The following ZNF644 variants were observed in gnomAD, a reference collection of about 807,000 sequenced individuals.
ZNF644 encodes the protein zinc finger protein 644, also known as zinc finger motif enhancer binding protein 2.
ZNF644 carries 20 observed loss-of-function variants against 108.0 expected under a neutral mutation model. That is an observed-to-expected ratio of 0.19 (90% CI 0.13 to 0.27). The LOEUF (loss-of-function observed/expected upper bound fraction) is 0.27. Among genes scored for constraint, ZNF644 ranks in the 10% least tolerant of loss-of-function variants. ZNF644 has a pLI of 1.00. For missense variants in ZNF644, 1,338 were observed against 1,548.9 expected, an observed-to-expected ratio of 0.86 and a Z score of 2.29; for synonymous variants, 542 against 539.1, an observed-to-expected ratio of 1.01 and a Z score of -0.08.
At chr1:90,982,850 A>G (rs977015746) in intron 1 of ZNF644, among the ~76,000 whole-genome samples, 1 of 151,974 alleles carries the variant, frequency 6.6e-6, no homozygotes, top group Non-Finnish European at 1.5e-5. Context: ...TAGAGCAACC[A>G]CAGTAATTAT....
chr1:90,976,559 C>A (rs1021923226), intron 2 of ZNF644, among the ~76,000 whole-genome samples: 1 of 152,106 alleles, frequency 6.6e-6, no homozygotes, highest in African/African-American at 2.4e-5. Context: ...TGATATTTGC[C>A]GCTTAGCCTT....
At chr1:90,965,490 T>C (rs184353105) in intron 2 of ZNF644, among the ~76,000 whole-genome samples, 2 of 152,296 alleles carry the variant, frequency 1.3e-5, no homozygotes, top group Non-Finnish European at 2.9e-5. Flanking sequence ...TAGTCTGAAG[T>C]AGAGGCGGAC....
At chr1:91,000,015 C>T (rs895419459) in intron 1 of ZNF644, among the ~76,000 whole-genome samples, 4 of 152,158 alleles carry the variant, frequency 2.6e-5, no homozygotes, top group African/African-American at 9.7e-5. Context: ...GCACCCAATA[C>T]AGGAGCACCC....
rs569612507 is a variant in ZNF644 at position 90,915,365 on chromosome 1, C to T, written c.*1433G>A. Reference sequence around the variant, plus strand: ...GGTAAGGAGATATACCATAGGAAAGCAATTTCACTGGCAGTGAGGTATGTA... The same window carrying T: ...GGTAAGGAGATATACCATAGGAAAGTAATTTCACTGGCAGTGAGGTATGTA... On this transcript the variant is annotated 3_prime_UTR_variant, in exon 6 of 6. Transcript: ENST00000337393. The T allele has an allele frequency of 6.6e-6, 1 of 152,428 alleles. No homozygotes were observed. 9.4% of individuals were successfully genotyped at this position (152,428 alleles called of 1,614,324 possible).
chr1:90,989,241 T>C (rs1386937044), intron 1 of ZNF644, among the ~76,000 whole-genome samples: 1 of 152,072 alleles, frequency 6.6e-6, no homozygotes, highest in Admixed American at 6.6e-5. Context: ...AGACAGCATA[T>C]AAAACAAGCA....
chr1:91,013,478 C>T (rs868850972), intron 1 of ZNF644, among the ~76,000 whole-genome samples: 55 of 117,938 alleles, frequency 4.7e-4, no homozygotes, highest in Middle Eastern at 4.3e-3. Flanking sequence ...CACACACACA[C>T]ACACATACAC....
At chr1:90,967,894 C>CAAA (rs147387016) in intron 2 of ZNF644, among the ~76,000 whole-genome samples, 11 of 123,424 alleles carry the variant, frequency 8.9e-5, no homozygotes, top group Admixed American at 5.8e-4. Flanking sequence ...AAAAAAAATA[C>CAAA]AAAAAAAAAA....
chr1:90,937,242 T>C (rs1651421389), intron 4 of ZNF644, among the ~76,000 whole-genome samples: 1 of 152,118 alleles, frequency 6.6e-6, no homozygotes, highest in South Asian at 2.1e-4. Context: ...GGTTTTCTTC[T>C]GCTTTTGTTC....
At chr1:90,973,844 T>C (rs1450295120) in intron 2 of ZNF644, among the ~76,000 whole-genome samples, 1 of 152,146 alleles carries the variant, frequency 6.6e-6, no homozygotes, top group South Asian at 2.1e-4. Flanking sequence ...CAAGAGAAAG[T>C]GACTTCCTAG....
chr1:90,940,145 A>T lies in ZNF644; in HGVS notation c.1209T>A (p.Ser403Arg), dbSNP rs572013009. 6.2e-7 allele frequency: 1 copy of T among 1,614,064 alleles called. No homozygotes were observed. Among genetic ancestry groups the T allele is most frequent in the Admixed American group, 1.7e-5 (1 of 60,018 alleles). ...ESDSESPATFSTEEPSFYPCT... is the reference protein window; with the variant it reads ...ESDSESPATFRTEEPSFYPCT... ...AGGGGTAGAATGATGGCTCTTCGGT[A>T]CTGAAAGTAGCAGGTGACTCAGAAT... Residue 403 changes from serine (S) to arginine (R), a missense_variant, in exon 3 of 6, where the codon AGT (serine) becomes AGA (arginine). By Grantham distance (110) the Ser-to-Arg change is moderately radical (BLOSUM62 -1). Transcript: ENST00000337393.
chr1:90,990,265 G>A (rs1480479964), intron 1 of ZNF644, among the ~76,000 whole-genome samples: 2 of 152,118 alleles, frequency 1.3e-5, no homozygotes, highest in Non-Finnish European at 2.9e-5. Flanking sequence ...CTACTAGACT[G>A]TATACTTAAA....
chr1:90,926,048 C>G (rs947240815), intron 4 of ZNF644, among the ~76,000 whole-genome samples: 1 of 151,996 alleles, frequency 6.6e-6, no homozygotes, highest in Non-Finnish European at 1.5e-5. Context: ...AGAAACCAAC[C>G]CTTTCAAAAG....
chr1:90,968,060 CAAAAAAAAAAAAAA>C (rs763728133), intron 2 of ZNF644, among the ~76,000 whole-genome samples: 1 of 67,244 alleles, frequency 1.5e-5, no homozygotes, highest in Non-Finnish European at 2.6e-5. Flanking sequence ...GACTCCGTCT[CAAAAAAAAAAAAAA>C]AAAAAAAAAT....
intron 4 of ZNF644, 84 bp downstream of exon 4, chr1:90,937,401 T>C (rs1651438304): frequency 1.3e-6 from 2 of 1,580,316 alleles, no homozygotes; most frequent in Admixed American, 1.7e-5. Flanking sequence ...TGTGAGAAAG[T>C]ATTTTCCACA....
intron 5 of ZNF644, among the ~76,000 whole-genome samples, chr1:90,917,384 C>T (rs561034479): frequency 6.6e-6 from 1 of 151,952 alleles, no homozygotes; most frequent in Non-Finnish European, 1.5e-5. Flanking sequence ...CGGAAGAAGG[C>T]GTGACTATGA....
rs192368958 is a variant in ZNF644 at position 90,971,422 on chromosome 1, T to C, written c.44+10888A>G. On this transcript the variant is annotated intron_variant, in intron 2 of 5. Transcript: ENST00000337393. ...AGCAATATTCAAACATTTCTTTCTT[T>C]CTTTTTTTTTGGTGGGGGGACAGAG... Among the ~76,000 whole-genome samples, 33 of 152,222 alleles carry C rather than the reference T, an allele frequency of 2.2e-4. No homozygotes were observed. In the East Asian group the frequency reaches 6.2e-3, roughly 28 times the overall value.
Position 90,941,253 on chromosome 1 carries a change from T to C in ZNF644, c.101A>G (p.Asp34Gly). 1 of 1,600,792 alleles carries C rather than the reference T, an allele frequency of 6.2e-7. No individual in the cohort carries two copies. The highest frequency in any genetic ancestry group is 8.5e-7 in the Non-Finnish European group (1 of 1,176,464). ...NNMDDLKINT[D>G]ITGAKEELLD... is the part of the protein sequence containing the mutation. ...GAGTTCTTCTTTAGCACCAGTAATA[T>C]CGGTGTTTATCTTCAAATCATCCAT... The change falls in exon 3 of 6, where the codon GAT becomes GGT. Residue 34 changes from aspartate (D) to glycine (G), a missense_variant. Asp to Gly is a moderately conservative substitution (Grantham distance 94). Coordinates refer to ENST00000337393, the MANE Select transcript of ZNF644 (RefSeq NM_201269.3).
intron 2 of ZNF644, among the ~76,000 whole-genome samples, chr1:90,944,076 T>C (rs1206984127): frequency 6.6e-6 from 1 of 152,158 alleles, no homozygotes; most frequent in Non-Finnish European, 1.5e-5. Flanking sequence ...GCTAACGAAG[T>C]GGTAAATTCA....
intron 1 of ZNF644, 87 bp from the exon 2 acceptor site, chr1:90,982,457 G>GA (rs1656648533): frequency 2.3e-6 from 2 of 873,502 alleles, no homozygotes; most frequent in Admixed American, 2.0e-5. Flanking sequence ...TATTTTAAAT[G>GA]AAAAAACACA....
Sources: gnomAD v4.1 joint callset for allele counts (sites outside exome capture counted in the v4.1 genomes callset) on GRCh38, gnomAD v4.1.1 for gene constraint, MANE v1.5 for transcripts, NCBI Gene and HGNC (gene_info 2026-07-23, HGNC 2026-07-21) for gene names.